The following ACVR1 variants were observed in gnomAD, a reference collection of about 807,000 sequenced individuals.
ACVR1 encodes the protein activin A receptor type 1.
In ACVR1, 38 loss-of-function variants were observed where a neutral mutation model predicts 57.1. The ratio of observed to expected loss-of-function variants is 0.67; its 90% confidence interval spans 0.51 to 0.87. The LOEUF is 0.87. Among genes scored for constraint, ACVR1 ranks in the 40% least tolerant of loss-of-function variants. The pLI, the probability that ACVR1 is intolerant of heterozygous loss-of-function variation, is 0.00. For missense variants in ACVR1, 463 were observed against 638.2 expected (o/e 0.73, Z 2.96); for synonymous variants, 212 against 228.1 (o/e 0.93, Z 0.63).
chr2:157,828,620 CA>C (rs772845911), intron 1 of ACVR1, among the ~76,000 whole-genome samples: 1 of 151,800 alleles, frequency 6.6e-6, no homozygotes, highest in Non-Finnish European at 1.5e-5. Flanking sequence ...ACTCTGTTTC[CA>C]AAAAAAGATA....
At chr2:157,766,828 A>G (rs1408386815) in intron 7 of ACVR1, among the ~76,000 whole-genome samples, 1 of 152,230 alleles carries the variant, frequency 6.6e-6, no homozygotes, top group Admixed American at 6.5e-5. Context: ...AGACAGATGT[A>G]AAAACGAAAA....
Position 157,750,051 on chromosome 2 carries a change from C to T in ACVR1, c.1264+10829G>A, listed in dbSNP as rs184296109. On this transcript the variant is annotated intron_variant, in intron 9 of 10. Transcript: ENST00000434821. ...CCCGCCCAGCCTGCTAGCACCCGCA[C>T]ACACATCATCTGACAGCCTAGGGAA... 2.4e-4 allele frequency among the ~76,000 whole-genome samples: 36 copies of T among 152,328 alleles called. 1 individual carries two copies. The highest frequency in any genetic ancestry group is 7.7e-4 in the African/African-American group (32 of 41,572).
intron 9 of ACVR1, among the ~76,000 whole-genome samples, chr2:157,751,972 CG>C (rs1334535719): frequency 1.3e-5 from 2 of 152,176 alleles, no homozygotes; most frequent in African/African-American, 4.8e-5. Context: ...CTCTTGAAAG[CG>C]CCACCTCCTG....
intron 1 of ACVR1, among the ~76,000 whole-genome samples, chr2:157,835,017 T>A (rs954923375): frequency 3.9e-5 from 6 of 152,146 alleles, no homozygotes; most frequent in African/African-American, 1.2e-4. Context: ...AAAATAAACG[T>A]CGGGTCTTTA....
rs902399154 is a variant in ACVR1 at position 157,770,951 on chromosome 2, T to C, written c.644-437A>G. 2.0e-5 allele frequency among the ~76,000 whole-genome samples: 3 copies of C among 152,228 alleles called. 1 individual carries two copies. The highest frequency in any genetic ancestry group is 1.3e-4 in the Admixed American group (2 of 15,282). On this transcript the variant is annotated intron_variant, in intron 6 of 10. Coordinates refer to ENST00000434821, the MANE Select transcript of ACVR1 (RefSeq NM_001111067.4). ...TCAGTAAACTGAATTCCTTCCTTGG[T>C]TCCTTCCCTTCACACAGGATCAACA...
chr2:157,737,558 G>A lies in ACVR1; in HGVS notation c.1503C>T (p.Ser501=), dbSNP rs1355086044. ...IKKTLTKIDN[S]LDKLKTDC ...AACAGTCAGTTTTCAATTTGTCGAG[G>A]GAATTATCAATTTTGGTCAAAGTCT... The change falls in exon 11 of 11, where the codon TCC becomes TCT. Residue 501 remains serine (S), a synonymous_variant. Transcript: ENST00000434821. 6.2e-7 allele frequency: 1 copy of A among 1,614,008 alleles called. No homozygotes were observed. Among genetic ancestry groups the A allele is most frequent in the East Asian group, 2.2e-5 (1 of 44,866 alleles).
chr2:157,851,089 C>T (rs938706093), intron 1 of ACVR1, among the ~76,000 whole-genome samples: 26 of 152,100 alleles, frequency 1.7e-4, no homozygotes, highest in African/African-American at 6.3e-4. Context: ...TTTCAAAAAA[C>T]CCATATCTTC....
chr2:157,805,831 T>C (rs1687508305), intron 2 of ACVR1, among the ~76,000 whole-genome samples: 1 of 142,224 alleles, frequency 7.0e-6, no homozygotes, highest in East Asian at 2.0e-4. Context: ...TTTTTTTTTT[T>C]TTTTTTTTTT....
At chr2:157,741,028 G>A (rs1297512575) in intron 9 of ACVR1, among the ~76,000 whole-genome samples, 3 of 152,146 alleles carry the variant, frequency 2.0e-5, no homozygotes, top group African/African-American at 4.8e-5. Flanking sequence ...TCAGTTGAAA[G>A]TGCATTACTG....
chr2:157,873,138 C>T (rs996903679), intron 1 of ACVR1, among the ~76,000 whole-genome samples: 74 of 152,070 alleles, frequency 4.9e-4, no homozygotes, highest in African/African-American at 1.7e-3. Context: ...GTAAGTGGGA[C>T]TCAGCCATGG....
rs547831568 is a variant in ACVR1 at position 157,741,731 on chromosome 2, G to C, written c.1265-3161C>G. Among the ~76,000 whole-genome samples the C allele has an allele frequency of 9.2e-5, 14 of 152,164 alleles. No individual in the cohort carries two copies. In the South Asian group the frequency reaches 2.5e-3, roughly 27 times the overall value. On this transcript the variant is annotated intron_variant, in intron 9 of 10. Coordinates refer to ENST00000434821, the MANE Select transcript of ACVR1 (RefSeq NM_001111067.4). ...GAAAAAAAATTACAGACTAGCTTTA[G>C]AGGGAAGAGAACAGAGAAGACAGTG...
intron 9 of ACVR1, among the ~76,000 whole-genome samples, chr2:157,743,734 G>A (rs1035077390): frequency 2.0e-5 from 3 of 150,992 alleles, no homozygotes; most frequent in South Asian, 2.1e-4. Context: ...ACTGACACAC[G>A]TCCATTCAGG....
Position 157,821,509 on chromosome 2 carries a change from G to A in ACVR1, c.-182-2950C>T, listed in dbSNP as rs567149809. ...CCACTGCACTCCAGCCTGGGGAACA[G>A]AGGGAGAATTTGTCTAAAAAAAATA... On this transcript the variant is annotated intron_variant, in intron 1 of 10. Transcript: ENST00000434821. 8.5e-5 allele frequency among the ~76,000 whole-genome samples: 13 copies of A among 152,138 alleles called. No homozygotes were observed. The East Asian group carries it at 1.7e-3, about 20-fold the overall frequency.
At chr2:157,738,030 T>C (rs557704633) in intron 10 of ACVR1, among the ~76,000 whole-genome samples, 1 of 152,302 alleles carries the variant, frequency 6.6e-6, no homozygotes, top group Non-Finnish European at 1.5e-5. Flanking sequence ...CTACTACTTA[T>C]GAGTAGCAAT....
chr2:157,779,641 T>C (rs1448389072), intron 4 of ACVR1, among the ~76,000 whole-genome samples: 2 of 152,232 alleles, frequency 1.3e-5, no homozygotes, highest in Non-Finnish European at 2.9e-5. Flanking sequence ...GGTAAGAGAA[T>C]AAATTTGGCT....
chr2:157,773,447 G>C (rs1408305613), intron 6 of ACVR1, among the ~76,000 whole-genome samples: 1 of 152,262 alleles, frequency 6.6e-6, no homozygotes, highest in East Asian at 1.9e-4. Context: ...TCCACGGACT[G>C]CTACATAATC....
intron 3 of ACVR1, among the ~76,000 whole-genome samples, chr2:157,796,267 G>A (rs997885641): frequency 5.3e-5 from 8 of 150,694 alleles, no homozygotes; most frequent in Non-Finnish European, 1.5e-5. Context: ...ATACAGAATC[G>A]ATAGCCGGCC....
At chr2:157,823,593 T>A (rs1688229342) in intron 1 of ACVR1, among the ~76,000 whole-genome samples, 1 of 152,196 alleles carries the variant, frequency 6.6e-6, no homozygotes, top group African/African-American at 2.4e-5. Flanking sequence ...GCTTTCCTAA[T>A]GTTTTGGCCG....
chr2:157,766,117 C>T lies in ACVR1; in HGVS notation c.870G>A (p.Ser290=), dbSNP rs548498262. 4.0e-5 allele frequency: 65 copies of T among 1,614,016 alleles called. 1 individual carries two copies. The highest frequency in any genetic ancestry group is 2.0e-4 in the Admixed American group (12 of 60,022). The change falls in exon 8 of 11, where the codon TCG becomes TCA. Residue 290 remains serine (S), a synonymous_variant. Transcript: ENST00000434821. ...WLITHYHEMG[S]LYDYLQLTTL... is the part of the protein sequence containing the mutation. ...TAGTAAGCTGAAGATAGTCGTACAACGATCCCATTTCATGATAATGTGTAA... is the reference window on the plus strand; with the variant it reads ...TAGTAAGCTGAAGATAGTCGTACAATGATCCCATTTCATGATAATGTGTAA...
Sources: allele counts gnomAD v4.1 joint callset (sites outside exome capture counted in the v4.1 genomes callset), GRCh38; gene constraint gnomAD v4.1.1; transcripts MANE v1.5; gene names NCBI Gene and HGNC (gene_info 2026-07-23, HGNC 2026-07-21).